The following NRG1 variants were observed in gnomAD, a reference collection of about 807,000 sequenced individuals.
NRG1 encodes the protein neuregulin 1, also known as pro-neuregulin-1, membrane-bound isoform.
NRG1 carries 18 observed loss-of-function variants against 63.8 expected under a neutral mutation model. The ratio of observed to expected loss-of-function variants is 0.28; its 90% CI spans 0.19 to 0.42. NRG1 has a LOEUF of 0.42. Ranked by LOEUF, NRG1 falls within the 10% of genes least tolerant of loss-of-function variation. The pLI is 1.00. For missense variants in NRG1, 762 were observed against 814.7 expected (o/e 0.94, Z 0.79); for synonymous variants, 302 against 301.3 (o/e 1.00, Z -0.02).
At chr8:31,692,658 T>A (rs1280147347) in intron 1 of NRG1, among the ~76,000 whole-genome samples, 2 of 152,202 alleles carry the variant, frequency 1.3e-5, no homozygotes, top group African/African-American at 4.8e-5. Context: ...TGCCTTGATA[T>A]GGATACAAGT....
At chr8:31,937,565 A>C (rs931634216) in intron 1 of NRG1, among the ~76,000 whole-genome samples, 7 of 152,188 alleles carry the variant, frequency 4.6e-5, no homozygotes, top group Non-Finnish European at 8.8e-5. Flanking sequence ...TGAGATGTCG[A>C]AAAACTGTGA....
intron 1 of NRG1, among the ~76,000 whole-genome samples, chr8:32,404,144 G>A (rs757628837): frequency 6.6e-6 from 1 of 152,170 alleles, no homozygotes; most frequent in Non-Finnish European, 1.5e-5. Flanking sequence ...AGAAGACCCT[G>A]GAGAAATGTT....
intron 1 of NRG1, among the ~76,000 whole-genome samples, chr8:31,855,098 G>T (rs1382093392): frequency 6.6e-6 from 1 of 151,980 alleles, no homozygotes; most frequent in Admixed American, 6.6e-5. Flanking sequence ...GTTGATTTGG[G>T]GTGGAGAGTT....
intron 5 of NRG1, among the ~76,000 whole-genome samples, chr8:32,671,270 CTCA>C (rs1232754517): frequency 6.6e-6 from 1 of 152,114 alleles, no homozygotes; most frequent in Non-Finnish European, 1.5e-5. Flanking sequence ...TTTGTTCCTC[CTCA>C]TCATATTACA....
intron 1 of NRG1, among the ~76,000 whole-genome samples, chr8:32,457,772 A>G (rs996612942): frequency 6.6e-6 from 1 of 152,150 alleles, no homozygotes; most frequent in Non-Finnish European, 1.5e-5. Context: ...TTTTATCATA[A>G]CAAAACAAGG....
intron 3 of NRG1, 114 bp from the exon 4 acceptor site, chr8:32,614,400 C>T: frequency 2.1e-6 from 2 of 954,540 alleles, no homozygotes; most frequent in Non-Finnish European, 3.3e-6. Flanking sequence ...TTTTCTCACT[C>T]CCTTGCAATA....
At chr8:31,727,863 A>G (rs1813605234) in intron 1 of NRG1, among the ~76,000 whole-genome samples, 1 of 152,150 alleles carries the variant, frequency 6.6e-6, no homozygotes, top group African/African-American at 2.4e-5. Context: ...GTATACCAAC[A>G]TCACTGCTCT....
chr8:32,293,735 T>G (rs1417899263), intron 1 of NRG1, among the ~76,000 whole-genome samples: 2 of 145,026 alleles, frequency 1.4e-5, no homozygotes, highest in African/African-American at 5.0e-5. Flanking sequence ...TTTTTTTTTT[T>G]TTGAGATGGA....
At chr8:32,490,561 T>C (rs1433973591) in intron 1 of NRG1, among the ~76,000 whole-genome samples, 2 of 152,128 alleles carry the variant, frequency 1.3e-5, no homozygotes, top group Non-Finnish European at 2.9e-5. Context: ...AAGCATTCTA[T>C]TGGTATCATT....
At chr8:32,691,099 T>G (rs997604716) in intron 5 of NRG1, among the ~76,000 whole-genome samples, 6 of 152,208 alleles carry the variant, frequency 3.9e-5, no homozygotes, top group African/African-American at 1.4e-4. Flanking sequence ...AACCTAGCAC[T>G]TTGTGTTGAC....
At chr8:32,713,386 G>C (rs1251636560) in intron 5 of NRG1, among the ~76,000 whole-genome samples, 1 of 152,010 alleles carries the variant, frequency 6.6e-6, no homozygotes, top group Admixed American at 6.6e-5. Context: ...ACTATCCTGT[G>C]ACTATCTAAC....
chr8:31,807,149 C>G (rs944043229), intron 1 of NRG1, among the ~76,000 whole-genome samples: 48 of 152,082 alleles, frequency 3.2e-4, no homozygotes, highest in African/African-American at 1.1e-3. Context: ...ATGAAGGGCC[C>G]GAAAGAACTA....
intron 1 of NRG1, among the ~76,000 whole-genome samples, chr8:32,392,164 A>C (rs549955609): frequency 6.6e-6 from 1 of 152,172 alleles, no homozygotes; most frequent in Non-Finnish European, 1.5e-5. Flanking sequence ...AGCAGCCTGC[A>C]CTATGATTAG....
At chr8:31,956,353 G>A (rs1804406622) in intron 1 of NRG1, among the ~76,000 whole-genome samples, 1 of 152,042 alleles carries the variant, frequency 6.6e-6, no homozygotes, top group Admixed American at 6.5e-5. Flanking sequence ...TTCTAGGTTG[G>A]GTGCGGTAAA....
At chr8:31,822,761 G>A (rs1824125369) in intron 1 of NRG1, among the ~76,000 whole-genome samples, 1 of 152,050 alleles carries the variant, frequency 6.6e-6, no homozygotes, top group Admixed American at 6.5e-5. Context: ...TATATGCAGG[G>A]GTGTTAGATG....
chr8:32,203,114 A>G (rs145344178), intron 1 of NRG1, among the ~76,000 whole-genome samples: 1,582 of 149,992 alleles, frequency 0.011, 13 homozygotes, highest in Admixed American at 0.018. Flanking sequence ...TGACTCTGCC[A>G]CTGGCTTTGT....
chr8:32,246,455 G>GT lies in NRG1; in HGVS notation c.38-349372dup, dbSNP rs1168737101. 7.2e-5 allele frequency among the ~76,000 whole-genome samples: 11 copies of GT among 152,260 alleles called. No homozygotes were observed. In the East Asian group the frequency reaches 2.1e-3, roughly 29 times the overall value. ...TCTGCTGGTATGGTCTCAAGGTTGT[G>GT]TAAGTGACGGCATCAGAAGCTTCTG... On this transcript the variant is annotated intron_variant, in intron 1 of 10. Coordinates refer to the NRG1 transcript ENST00000519301.
At chr8:32,100,728 A>C (rs1225540216) in intron 1 of NRG1, among the ~76,000 whole-genome samples, 2 of 152,184 alleles carry the variant, frequency 1.3e-5, no homozygotes, top group African/African-American at 4.8e-5. Flanking sequence ...TGACGGGAGA[A>C]CAAAGGAACC....
At chr8:32,245,430 G>A (rs1462834646) in intron 1 of NRG1, among the ~76,000 whole-genome samples, 1 of 152,120 alleles carries the variant, frequency 6.6e-6, no homozygotes, top group Non-Finnish European at 1.5e-5. Context: ...TTTTAGGAAG[G>A]TGTCCAAACT....
Sources: allele counts gnomAD v4.1 joint callset (sites outside exome capture counted in the v4.1 genomes callset), GRCh38; gene constraint gnomAD v4.1.1; transcripts MANE v1.5; gene names NCBI Gene and HGNC (gene_info 2026-07-23, HGNC 2026-07-21).